Variants in ITGB5 observed in about 807,000 individuals in gnomAD.
ITGB5 encodes integrin beta-5.
Under a neutral mutation model 84.8 loss-of-function variants are expected in ITGB5, and 38 were observed. That is an observed-to-expected ratio of 0.45 (90% CI 0.35 to 0.59). ITGB5 has a LOEUF of 0.59. ITGB5 is among the 20% of genes least tolerant of loss of function. ITGB5 has a pLI of 0.01. For synonymous variants in ITGB5, 393 were observed against 414.4 expected (o/e 0.95, Z 0.63); for missense variants, 905 against 1,034.5 (o/e 0.87, Z 1.72).
intron 9 of ITGB5, among the ~76,000 whole-genome samples, chr3:124,808,020 T>A (rs1046356978): frequency 1.6e-5 from 2 of 125,664 alleles, no homozygotes; most frequent in African/African-American, 3.0e-5. Flanking sequence ...GAGGGACAAG[T>A]GTGAAGGCAG....
At chr3:124,817,803 C>A in intron 7 of ITGB5, 93 bp from the exon 8 acceptor site, 1 of 676,146 alleles carries the variant, frequency 1.5e-6, no homozygotes, top group South Asian at 1.9e-5. Context: ...ACAGTAAAGG[C>A]TCCTAGAACC....
intron 4 of ITGB5, among the ~76,000 whole-genome samples, chr3:124,845,464 A>G (rs2065064849): frequency 6.6e-6 from 1 of 152,216 alleles, no homozygotes; most frequent in South Asian, 2.1e-4. Context: ...CAGCTCAGAG[A>G]AGAGAGCTTC....
At chr3:124,868,617 CCA>C (rs1491276651) in intron 2 of ITGB5, among the ~76,000 whole-genome samples, 1 of 40,208 alleles carries the variant, frequency 2.5e-5, no homozygotes, top group African/African-American at 1.1e-4. Flanking sequence ...CTGTTCTCTA[CCA>C]AAAAAAAAAA....
intron 11 of ITGB5, 101 bp from the exon 12 acceptor site, chr3:124,769,214 T>A: frequency 1.2e-6 from 1 of 833,436 alleles, no homozygotes; most frequent in South Asian, 1.7e-5. Context: ...AGGCTTTCAC[T>A]TCTTTCCAGC....
intron 8 of ITGB5, among the ~76,000 whole-genome samples, chr3:124,815,146 C>T (rs1345990199): frequency 2.0e-5 from 3 of 152,226 alleles, no homozygotes; most frequent in Non-Finnish European, 4.4e-5. Context: ...AATAAGAAAG[C>T]CTCCTGCTCC....
intron 5 of ITGB5, among the ~76,000 whole-genome samples, chr3:124,840,636 A>G (rs545070968): frequency 6.6e-6 from 1 of 151,650 alleles, no homozygotes; most frequent in Non-Finnish European, 1.5e-5. Context: ...ATTGCAACCA[A>G]AGATGCCACA....
rs184155268 is a variant in ITGB5, at chr3:124,811,723, C to T, written c.1129-2567G>A. Among the ~76,000 whole-genome samples the T allele has an allele frequency of 1.6e-3, 241 of 152,312 alleles. 2 individuals are homozygous for T. The highest frequency in any genetic ancestry group is 5.7e-3 in the African/African-American group (237 of 41,556). On this transcript the variant is annotated intron_variant, in intron 8 of 14. Transcript: ENST00000296181. ...TGATATAAAGTTTGTATTATTCCTG[C>T]TACCCACAGAGTCTCTGGAATCAGA...
At chr3:124,857,879 A>G (rs1277329405) in intron 3 of ITGB5, among the ~76,000 whole-genome samples, 1 of 152,026 alleles carries the variant, frequency 6.6e-6, no homozygotes, top group East Asian at 1.9e-4. Context: ...CACGCCTGTA[A>G]CCCCAGCACT....
At chr3:124,818,538 G>C (rs1263551010) in intron 7 of ITGB5, among the ~76,000 whole-genome samples, 2 of 95,170 alleles carry the variant, frequency 2.1e-5, no homozygotes, top group Non-Finnish European at 3.8e-5. Context: ...TTTTGCGACA[G>C]AATCTCACTC....
chr3:124,783,290 CAAAAAAA>C (rs758967509), intron 10 of ITGB5, among the ~76,000 whole-genome samples: 2 of 56,986 alleles, frequency 3.5e-5, no homozygotes, highest in East Asian at 5.0e-4. Flanking sequence ...GACTCCGTCT[CAAAAAAA>C]AAAAAAAAAA....
intron 2 of ITGB5, among the ~76,000 whole-genome samples, chr3:124,871,454 A>T (rs537910584): frequency 5.9e-5 from 9 of 152,266 alleles, no homozygotes; most frequent in Non-Finnish European, 8.8e-5. Flanking sequence ...TCAGCCTCCC[A>T]AAGTACTAGG....
At chr3:124,822,602 C>G (rs969207158) in intron 5 of ITGB5, among the ~76,000 whole-genome samples, 9 of 152,200 alleles carry the variant, frequency 5.9e-5, no homozygotes, top group African/African-American at 1.7e-4. Context: ...AGCCCGCCAA[C>G]ATGAGGAGGA....
chr3:124,827,747 G>T (rs2107572536), intron 5 of ITGB5, among the ~76,000 whole-genome samples: 1 of 152,306 alleles, frequency 6.6e-6, no homozygotes, highest in Non-Finnish European at 1.5e-5. Flanking sequence ...AATCACAAAA[G>T]AAGTGAAAAT....
In ITGB5 at chr3:124,873,441, C is replaced by T. The variant is rs976942104; in HGVS notation, c.156+5G>A. ...CCTTCTTCCTCCCCTCCCCCACCTA[C>T]ATACCTCTTTGGAGCACCAGGCACA... On this transcript the variant is annotated splice_donor_5th_base_variant and intron_variant, in intron 2 of 14. Coordinates refer to ENST00000296181, the MANE Select transcript of ITGB5 (RefSeq NM_002213.5). 4 of 1,605,718 alleles carry T rather than the reference C, an allele frequency of 2.5e-6. No homozygotes were observed. Among genetic ancestry groups the T allele is most frequent in the Non-Finnish European group, 1.7e-6 (2 of 1,172,434 alleles).
In ITGB5 at chr3:124,764,457, G is replaced by A; in HGVS notation, c.2238C>T (p.Val746=). ...LALLAIWKLL[V]TIHDRREFAK... is the part of the protein sequence containing the mutation. The stretch of plus-strand genomic sequence containing the variant: ...CAAACTCCCTCCGGTCGTGGATGGT[G>A]ACAAGCAGCTTCCAGATAGCCAGGA... The change falls in exon 14 of 15, where the codon GTC becomes GTT. Residue 746 remains valine, a synonymous_variant. Transcript: ENST00000296181. 1 of 1,614,140 alleles carries A rather than the reference G, an allele frequency of 6.2e-7. No individual in the cohort carries two copies. The highest frequency in any genetic ancestry group is 8.5e-7 in the Non-Finnish European group (1 of 1,180,018).
chr3:124,889,572 A>G (rs1282333810), upstream of ITGB5, among the ~76,000 whole-genome samples: 1 of 152,206 alleles, frequency 6.6e-6, no homozygotes, highest in African/African-American at 2.4e-5. Context: ...TGGGGTTAAC[A>G]TATTCTATAA....
chr3:124,850,462 T>C (rs2065135800), intron 3 of ITGB5, among the ~76,000 whole-genome samples: 1 of 148,310 alleles, frequency 6.7e-6, no homozygotes. Context: ...CCCTGACTTG[T>C]CTTTGCGTGT....
intron 10 of ITGB5, among the ~76,000 whole-genome samples, chr3:124,774,927 A>T (rs1401237268): frequency 6.6e-6 from 1 of 152,266 alleles, no homozygotes; most frequent in Non-Finnish European, 1.5e-5. Flanking sequence ...ACCAAGACCC[A>T]GAAAGGTGAA....
chr3:124,863,694 T>A (rs2065338826), intron 2 of ITGB5, among the ~76,000 whole-genome samples: 1 of 152,158 alleles, frequency 6.6e-6, no homozygotes, highest in Admixed American at 6.5e-5. Context: ...AATTTTTGTA[T>A]TTTTAGTAGA....
Sources: allele counts gnomAD v4.1 joint callset (sites outside exome capture counted in the v4.1 genomes callset), GRCh38; gene constraint gnomAD v4.1.1; transcripts MANE v1.5; gene names NCBI Gene and HGNC (gene_info 2026-07-23, HGNC 2026-07-21).